C1orf105: variants seen among roughly 807,000 people sequenced by gnomAD.
C1orf105 encodes the protein uncharacterized protein C1orf105.
A neutral mutation model predicts 20.8 loss-of-function variants in C1orf105; 17 were observed. The ratio of observed to expected loss-of-function variants is 0.82; its 90% confidence interval spans 0.56 to 1.23. The LOEUF is 1.23. Ranked by LOEUF, C1orf105 falls within the 50% of genes most tolerant of loss-of-function variation. The pLI is 0.00. For synonymous variants in C1orf105, 72 were observed against 72.1 expected, an observed-to-expected ratio of 1.00 and a Z score of 0.01; for missense variants, 219 against 213.5, an observed-to-expected ratio of 1.03 and a Z score of -0.16.
At chr1:172,441,368 C>T in intron 1 of C1orf105, 1 of 158,982 alleles carries the variant, frequency 6.3e-6, no homozygotes, top group Non-Finnish European at 1.3e-5. Flanking sequence ...CACACACACA[C>T]ACACACACAC....
At chr1:172,458,546 T>G (rs1400436620) in intron 4 of C1orf105, among the ~76,000 whole-genome samples, 1 of 152,020 alleles carries the variant, frequency 6.6e-6, no homozygotes, top group African/African-American at 2.4e-5. Flanking sequence ...GAAAGAAAAT[T>G]TAAAAGGCCT....
At chr1:172,424,926 G>A (rs964521441) in intron 1 of C1orf105, among the ~76,000 whole-genome samples, 3 of 152,188 alleles carry the variant, frequency 2.0e-5, no homozygotes, top group African/African-American at 7.2e-5. Context: ...CCAGCACAAG[G>A]CCACAGGGCC....
intron 1 of C1orf105, among the ~76,000 whole-genome samples, chr1:172,433,661 A>C (rs556614425): frequency 6.6e-6 from 1 of 152,238 alleles, no homozygotes; most frequent in South Asian, 2.1e-4. Context: ...GCCAAATTGT[A>C]AAGACTATCG....
At chr1:172,460,056 G>T (rs960811676) in intron 4 of C1orf105, among the ~76,000 whole-genome samples, 4 of 152,140 alleles carry the variant, frequency 2.6e-5, no homozygotes, top group African/African-American at 9.7e-5. Context: ...GAGTGAGTGA[G>T]AAGCAATTGC....
At chr1:172,458,286 A>G (rs1443807840) in intron 4 of C1orf105, among the ~76,000 whole-genome samples, 2 of 152,240 alleles carry the variant, frequency 1.3e-5, no homozygotes, top group South Asian at 2.1e-4. Flanking sequence ...CAACTAGTCT[A>G]TTTGCAGATG....
intron 3 of C1orf105, among the ~76,000 whole-genome samples, chr1:172,452,174 A>T (rs980118809): frequency 2.6e-5 from 4 of 152,134 alleles, no homozygotes; most frequent in African/African-American, 9.7e-5. Flanking sequence ...CCTGGCCTTT[A>T]TATGGATTCT....
intron 1 of C1orf105, among the ~76,000 whole-genome samples, chr1:172,434,348 T>G (rs535077565): frequency 1.6e-4 from 24 of 152,332 alleles, no homozygotes; most frequent in Non-Finnish European, 3.4e-4. Context: ...ACCACATAGT[T>G]GGAAGTAAAG....
At chr1:172,441,873 T>G (rs1647346250) in intron 1 of C1orf105, 1 of 1,613,952 alleles carries the variant, frequency 6.2e-7, no homozygotes. Flanking sequence ...AGAGTACGGC[T>G]CCCACAGCAC....
intron 3 of C1orf105, among the ~76,000 whole-genome samples, chr1:172,454,900 T>C (rs1649067894): frequency 6.6e-6 from 1 of 152,340 alleles, no homozygotes; most frequent in African/African-American, 2.4e-5. Context: ...TTTAAATGTC[T>C]CCAGTACCTA....
At chr1:172,444,530 A>C (rs1009119503) in intron 1 of C1orf105, among the ~76,000 whole-genome samples, 1 of 152,178 alleles carries the variant, frequency 6.6e-6, no homozygotes, top group Non-Finnish European at 1.5e-5. Flanking sequence ...TGGTGCATTG[A>C]CCTTTACACT....
chr1:172,449,987 G>A (rs1349143209), intron 3 of C1orf105, among the ~76,000 whole-genome samples: 1 of 152,214 alleles, frequency 6.6e-6, no homozygotes. Context: ...AGCCTGGCTG[G>A]AGTGGAGAAT....
intron 6 of C1orf105, among the ~76,000 whole-genome samples, chr1:172,468,139 T>G (rs529720670): frequency 1.3e-5 from 2 of 152,326 alleles, no homozygotes; most frequent in African/African-American, 4.8e-5. Context: ...TTAATTTAAT[T>G]GGTAATGACG....
At chr1:172,439,636 T>C (rs1029160624) in intron 1 of C1orf105, among the ~76,000 whole-genome samples, 3 of 152,194 alleles carry the variant, frequency 2.0e-5, no homozygotes, top group Non-Finnish European at 4.4e-5. Context: ...TGCAGCCATA[T>C]TGTCATCCCA....
At chr1:172,441,842 T>G in intron 1 of C1orf105, 1 of 1,614,060 alleles carries the variant, frequency 6.2e-7, no homozygotes, top group Non-Finnish European at 8.5e-7. Context: ...AGACATGAGA[T>G]AGACATCAGC....
At chr1:172,423,928 AAAGAAT>A (rs2071656741) in intron 1 of C1orf105, among the ~76,000 whole-genome samples, 1 of 152,086 alleles carries the variant, frequency 6.6e-6, no homozygotes, top group Non-Finnish European at 1.5e-5. Context: ...AGAGGGGACA[AAAGAAT>A]AATTCCAAGT....
At chr1:172,440,421 C>G (rs2072183276) in intron 1 of C1orf105, among the ~76,000 whole-genome samples, 1 of 152,198 alleles carries the variant, frequency 6.6e-6, no homozygotes, top group Non-Finnish European at 1.5e-5. Context: ...AGGGATTCTT[C>G]AAAGCACTTT....
intron 1 of C1orf105, among the ~76,000 whole-genome samples, chr1:172,435,770 A>G (rs2072022809): frequency 6.6e-6 from 1 of 152,238 alleles, no homozygotes; most frequent in South Asian, 2.1e-4. Context: ...AGAAAGAAAT[A>G]AAGGGTATTC....
intron 2 of C1orf105, 126 bp downstream of exon 2, chr1:172,445,284 T>A: frequency 1.3e-6 from 1 of 748,350 alleles, no homozygotes; most frequent in Non-Finnish European, 2.2e-6. Flanking sequence ...AGTCAAGTGC[T>A]TTAAAAATAG....
At chr1:172,425,630 T>A (rs1379685562) in intron 1 of C1orf105, among the ~76,000 whole-genome samples, 1 of 152,112 alleles carries the variant, frequency 6.6e-6, no homozygotes, top group East Asian at 1.9e-4. Flanking sequence ...TAAGCTCTGA[T>A]CACTTTGCCC....
Sources: gnomAD v4.1 joint callset for allele counts (sites outside exome capture counted in the v4.1 genomes callset) on GRCh38, gnomAD v4.1.1 for gene constraint, MANE v1.5 for transcripts, NCBI Gene and HGNC (gene_info 2026-07-23, HGNC 2026-07-21) for gene names.